The following SGCZ variants were observed in gnomAD, a reference collection of about 807,000 sequenced individuals.
The protein encoded by SGCZ is sarcoglycan zeta, also known as zeta-sarcoglycan.
SGCZ carries 40 observed loss-of-function variants against 41.3 expected under a neutral mutation model. The observed-to-expected ratio is 0.97, with a 90% confidence interval of 0.75 to 1.26. SGCZ has a LOEUF of 1.26. Ranked by LOEUF, SGCZ falls within the 50% of genes most tolerant of loss-of-function variation. SGCZ has a pLI of 0.00. For missense variants in SGCZ, 552 were observed against 369.8 expected, an observed-to-expected ratio of 1.49 and a Z score of -4.04; for synonymous variants, 206 against 137.5, an observed-to-expected ratio of 1.50 and a Z score of -3.49.
chr8:14,185,903 G>A (rs1179827024), intron 4 of SGCZ, among the ~76,000 whole-genome samples: 1 of 152,162 alleles, frequency 6.6e-6, no homozygotes, highest in Admixed American at 6.5e-5. Context: ...ATATCTACAT[G>A]TTGAATCCCA....
chr8:14,100,543 T>C (rs1179566769), intron 7 of SGCZ, among the ~76,000 whole-genome samples: 1 of 103,392 alleles, frequency 9.7e-6, no homozygotes, highest in African/African-American at 3.3e-5. Flanking sequence ...CAAAATATTA[T>C]ACATTAGATT....
At chr8:14,826,154 A>G (rs1361026253) in intron 1 of SGCZ, among the ~76,000 whole-genome samples, 1 of 140,382 alleles carries the variant, frequency 7.1e-6, no homozygotes, top group East Asian at 2.1e-4. Context: ...TCATTGTTCA[A>G]TTCCCACCTA....
intron 1 of SGCZ, among the ~76,000 whole-genome samples, chr8:14,685,395 A>G (rs1454075928): frequency 6.6e-6 from 1 of 152,126 alleles, no homozygotes; most frequent in Non-Finnish European, 1.5e-5. Context: ...TTTAAAATAT[A>G]TCTAAAAAAT....
intron 1 of SGCZ, among the ~76,000 whole-genome samples, chr8:14,982,068 T>A (rs1486768913): frequency 6.6e-6 from 1 of 151,728 alleles, no homozygotes; most frequent in East Asian, 1.9e-4. Flanking sequence ...GAGGATCGCT[T>A]GAACCCAGGA....
chr8:14,227,130 T>C (rs1013645164), intron 4 of SGCZ, among the ~76,000 whole-genome samples: 1 of 152,032 alleles, frequency 6.6e-6, no homozygotes, highest in East Asian at 1.9e-4. Context: ...GGAAGAGATA[T>C]GAGGAAAGAA....
At chr8:14,264,299 G>T (rs1365972401) in intron 3 of SGCZ, among the ~76,000 whole-genome samples, 1 of 152,166 alleles carries the variant, frequency 6.6e-6, no homozygotes, top group African/African-American at 2.4e-5. Context: ...GAGGTTGAAA[G>T]AAAACATAGC....
intron 3 of SGCZ, among the ~76,000 whole-genome samples, chr8:14,240,002 C>G (rs1441466465): frequency 1.4e-5 from 2 of 148,138 alleles, no homozygotes; most frequent in African/African-American, 5.0e-5. Context: ...GGATAGTTTA[C>G]TTAATTTAAA....
At chr8:14,101,365 G>A (rs1422244696) in intron 7 of SGCZ, among the ~76,000 whole-genome samples, 1 of 74,170 alleles carries the variant, frequency 1.3e-5, no homozygotes, top group African/African-American at 2.9e-5. Flanking sequence ...AGAAAATTGG[G>A]AAAAGACCAT....
rs1323001227 is a variant in SGCZ at position 15,237,819 on chromosome 8, C to T, written c.-196G>A. The T allele has an allele frequency of 8.9e-6, 5 of 563,408 alleles. No individual in the cohort carries two copies. Among genetic ancestry groups the T allele is most frequent in the East Asian group, 2.9e-5 (1 of 34,722 alleles). 34.9% of individuals were successfully genotyped at this position (563,408 alleles called of 1,614,324 possible). ...ATAAATAAATAATAATGATAATTCACTTTATTTTACTTCCTCAAAGATTTA... is the reference window on the plus strand; with the variant it reads ...ATAAATAAATAATAATGATAATTCATTTTATTTTACTTCCTCAAAGATTTA... On this transcript the variant is annotated 5_prime_UTR_variant, in exon 1 of 8. It adds an upstream start codon to the 5' untranslated region. Coordinates refer to ENST00000382080, the MANE Select transcript of SGCZ (RefSeq NM_139167.4).
intron 2 of SGCZ, among the ~76,000 whole-genome samples, chr8:14,335,543 C>T (rs1370376272): frequency 3.3e-5 from 5 of 152,084 alleles, no homozygotes; most frequent in African/African-American, 1.2e-4. Context: ...ACATGGCATA[C>T]TTTCTAAGTT....
Position 14,237,625 on chromosome 8 carries a change from G to T in SGCZ, c.391C>A (p.His131Asn). 1.2e-6 allele frequency: 2 copies of T among 1,613,880 alleles called. No homozygotes were observed. Among genetic ancestry groups the T allele is most frequent in the Non-Finnish European group, 1.7e-6 (2 of 1,179,832 alleles). Residue 131 changes from histidine (H) to asparagine (N), a missense_variant, in exon 4 of 8, where the codon CAC (histidine) becomes AAC (asparagine). Physicochemically the swap from His to Asn is moderately conservative, Grantham distance 68 (BLOSUM62 1). Transcript: ENST00000382080. ...DRNVTVNARN[H>N]MGQLTGQLTI... Reference sequence around the variant, plus strand: ...AGCTGTCCGGTTAACTGCCCCATGTGATTTCTTGCATTCACTGTGACATTC... The same window carrying T: ...AGCTGTCCGGTTAACTGCCCCATGTTATTTCTTGCATTCACTGTGACATTC...
intron 1 of SGCZ, among the ~76,000 whole-genome samples, chr8:15,103,437 A>T (rs1806693936): frequency 8.0e-6 from 1 of 125,062 alleles, no homozygotes; most frequent in African/African-American, 3.1e-5. Flanking sequence ...AATAAAAGTA[A>T]ATGAAGAGCC....
chr8:14,898,704 C>G (rs1268897827), intron 1 of SGCZ, among the ~76,000 whole-genome samples: 1 of 152,002 alleles, frequency 6.6e-6, no homozygotes, highest in Non-Finnish European at 1.5e-5. Flanking sequence ...GAATAATTTC[C>G]TGGTGTCTGG....
intron 1 of SGCZ, among the ~76,000 whole-genome samples, chr8:14,946,524 AC>A (rs968250978): frequency 1.3e-5 from 2 of 152,004 alleles, no homozygotes; most frequent in Non-Finnish European, 2.9e-5. Context: ...GTTATGAACC[AC>A]CAGGCAGGGA....
intron 1 of SGCZ, among the ~76,000 whole-genome samples, chr8:14,718,950 C>A (rs1156687968): frequency 2.0e-5 from 3 of 148,620 alleles, no homozygotes; most frequent in Non-Finnish European, 4.4e-5. Flanking sequence ...TGTGCTGCAC[C>A]CATTAACTCG....
chr8:15,028,537 G>A, intron 1 of SGCZ, among the ~76,000 whole-genome samples: 1 of 151,876 alleles, frequency 6.6e-6, no homozygotes, highest in Admixed American at 6.6e-5. Flanking sequence ...GTTTCATAAG[G>A]AACACTATCG....
At chr8:14,418,524 T>G (rs575620042) in intron 2 of SGCZ, among the ~76,000 whole-genome samples, 2 of 152,018 alleles carry the variant, frequency 1.3e-5, no homozygotes, top group Non-Finnish European at 2.9e-5. Context: ...TTTTATCACG[T>G]TTTACTTATA....
chr8:15,080,141 G>T (rs1368213343), intron 1 of SGCZ, among the ~76,000 whole-genome samples: 1 of 152,088 alleles, frequency 6.6e-6, no homozygotes, highest in African/African-American at 2.4e-5. Flanking sequence ...GATATTTGCA[G>T]TGGAGGCAGA....
intron 3 of SGCZ, among the ~76,000 whole-genome samples, chr8:14,320,166 A>G (rs965482495): frequency 1.3e-5 from 2 of 151,768 alleles, no homozygotes; most frequent in East Asian, 1.9e-4. Flanking sequence ...AAACTTGACT[A>G]AAGTGATTAC....
Sources: allele counts gnomAD v4.1 joint callset (sites outside exome capture counted in the v4.1 genomes callset), GRCh38; gene constraint gnomAD v4.1.1; transcripts MANE v1.5; gene names NCBI Gene and HGNC (gene_info 2026-07-23, HGNC 2026-07-21).